Variants in ASTN2 observed in about 807,000 individuals in gnomAD.
ASTN2 encodes the protein astrotactin-2.
In ASTN2, 54 loss-of-function variants were observed where a neutral mutation model predicts 139.8. The observed-to-expected ratio is 0.39, with a 90% CI of 0.31 to 0.48. ASTN2 has a LOEUF of 0.48. Ranked by LOEUF, ASTN2 falls within the 20% of genes least tolerant of loss-of-function variation. The pLI is 0.95. For synonymous variants in ASTN2, 756 were observed against 719.5 expected (o/e 1.05, Z -0.81); for missense variants, 1,565 against 1,725.1 (o/e 0.91, Z 1.64).
chr9:116,663,509 G>C (rs556988948), intron 16 of ASTN2, among the ~76,000 whole-genome samples: 2 of 152,226 alleles, frequency 1.3e-5, no homozygotes, highest in South Asian at 4.2e-4. Flanking sequence ...CATGTTAAAA[G>C]ACAACCTTTA....
In ASTN2 at chr9:116,956,761, G is replaced by A. The variant is rs377650802; in HGVS notation, c.1889+18447C>T. 7.2e-5 allele frequency among the ~76,000 whole-genome samples: 11 copies of A among 151,948 alleles called. No individual in the cohort carries two copies. In the East Asian group the frequency reaches 1.2e-3, roughly 16 times the overall value. On this transcript the variant is annotated intron_variant, in intron 10 of 22. Coordinates refer to ENST00000313400, the MANE Select transcript of ASTN2 (RefSeq NM_001365068.1). Reference sequence around the variant, plus strand: ...AGTATGGGGTCAACGTATAAAAGTCGATTGTATTTCTCTACACTAGCAATG... The same window carrying A: ...AGTATGGGGTCAACGTATAAAAGTCAATTGTATTTCTCTACACTAGCAATG...
In ASTN2 at chr9:116,699,343, G is replaced by A. The variant is rs2132075369; in HGVS notation, c.2806+26428C>T. ...ACCGTCTACTTCACCCAGGGCTTAG[G>A]CCTCAATCTGGAGAATCGGCAGAAT... On this transcript the variant is annotated intron_variant, in intron 16 of 22. Transcript: ENST00000313400. This position sits in a 1 kb window ranked among gnomAD's most constrained non-coding sequence, Gnocchi z 4.2. The A allele has an allele frequency of 6.2e-7, 1 of 1,614,212 alleles. No homozygotes were observed.
intron 20 of ASTN2, among the ~76,000 whole-genome samples, chr9:116,484,194 G>C (rs1849262913): frequency 6.6e-6 from 1 of 152,192 alleles, no homozygotes; most frequent in Admixed American, 6.5e-5. Context: ...GGGAGAAGAA[G>C]AAAGTGGCTA....
chr9:116,990,775 A>G (rs965596110), intron 7 of ASTN2, among the ~76,000 whole-genome samples: 4 of 152,216 alleles, frequency 2.6e-5, no homozygotes, highest in African/African-American at 7.2e-5. Context: ...TTCCTGGGAT[A>G]TAATGGAGAA....
At chr9:116,608,683 C>T (rs992385138) in intron 19 of ASTN2, among the ~76,000 whole-genome samples, 3 of 152,114 alleles carry the variant, frequency 2.0e-5, no homozygotes, top group African/African-American at 7.2e-5. Context: ...TACAAAATAT[C>T]CAGCTTCAAA....
intron 10 of ASTN2, among the ~76,000 whole-genome samples, chr9:116,934,002 T>TTTTTTTTTTTTTTTTTTTTTTTTTTG: frequency 8.2e-6 from 1 of 121,310 alleles, no homozygotes; most frequent in Admixed American, 8.7e-5. Flanking sequence ...TTTTTTTTTT[T>TTTTTTTTTTTTTTTTTTTTTTTTTTG]CTGGATCAAG....
At chr9:117,257,000 G>T (rs1833705301) in intron 2 of ASTN2, among the ~76,000 whole-genome samples, 1 of 152,076 alleles carries the variant, frequency 6.6e-6, no homozygotes, top group South Asian at 2.1e-4. Flanking sequence ...AGAAGACTTG[G>T]AATATTTGAA....
intron 11 of ASTN2, among the ~76,000 whole-genome samples, chr9:116,834,303 G>T (rs916470734): frequency 6.6e-6 from 1 of 152,108 alleles, no homozygotes; most frequent in African/African-American, 2.4e-5. Flanking sequence ...ATGTTAACTA[G>T]ATCTTTTTTG....
At chr9:116,648,981 C>A (rs899432135) in intron 17 of ASTN2, among the ~76,000 whole-genome samples, 1 of 151,870 alleles carries the variant, frequency 6.6e-6, no homozygotes, top group African/African-American at 2.4e-5. Context: ...TTGCAGTGAG[C>A]CAAGATTGCG....
At chr9:117,353,980 C>T (rs1045332015) in intron 1 of ASTN2, among the ~76,000 whole-genome samples, 2 of 152,122 alleles carry the variant, frequency 1.3e-5, no homozygotes, top group Non-Finnish European at 2.9e-5. Context: ...GGTGAATACA[C>T]ATTTTTATAC....
chr9:116,862,841 C>CACACACACAT (rs1832921534), intron 11 of ASTN2, among the ~76,000 whole-genome samples: 1 of 24,372 alleles, frequency 4.1e-5, no homozygotes, highest in African/African-American at 7.9e-5. Flanking sequence ...CACACACACA[C>CACACACACAT]ATACACGTTA....
chr9:117,064,085 G>A (rs76205381), intron 5 of ASTN2, among the ~76,000 whole-genome samples: 1,730 of 152,032 alleles, frequency 0.011, 18 homozygotes, highest in Non-Finnish European at 0.016. Flanking sequence ...TGTTCTGGCC[G>A]AGACTTGTTA....
At chr9:117,125,216 CT>C (rs1829657484) in intron 4 of ASTN2, among the ~76,000 whole-genome samples, 1 of 152,168 alleles carries the variant, frequency 6.6e-6, no homozygotes, top group Non-Finnish European at 1.5e-5. Flanking sequence ...ATCATTTCTT[CT>C]TAACATCTCC....
At chr9:117,322,566 T>G (rs1343956044) in intron 1 of ASTN2, among the ~76,000 whole-genome samples, 1 of 152,184 alleles carries the variant, frequency 6.6e-6, no homozygotes, top group Non-Finnish European at 1.5e-5. Context: ...ATGGCTGACA[T>G]TCTGCCTTTC....
At chr9:116,993,401 T>C (rs1238504912) in intron 7 of ASTN2, among the ~76,000 whole-genome samples, 1 of 151,954 alleles carries the variant, frequency 6.6e-6, no homozygotes, top group Non-Finnish European at 1.5e-5. Flanking sequence ...TCTTGAACAG[T>C]CTGCTCAAAT....
intron 12 of ASTN2, among the ~76,000 whole-genome samples, chr9:116,812,481 A>G (rs1466954387): frequency 6.6e-6 from 1 of 152,218 alleles, no homozygotes; most frequent in African/African-American, 2.4e-5. Flanking sequence ...CAGTTGGAAA[A>G]GGCAAGGAAA....
chr9:116,488,723 A>G (rs541005720), intron 19 of ASTN2, among the ~76,000 whole-genome samples: 48 of 152,360 alleles, frequency 3.2e-4, no homozygotes, highest in African/African-American at 1.0e-3. Context: ...ATTTAAAAAC[A>G]GAAGGAAGAA....
chr9:117,135,312 G>A (rs1220535333), intron 4 of ASTN2, among the ~76,000 whole-genome samples: 2 of 152,148 alleles, frequency 1.3e-5, no homozygotes, highest in African/African-American at 2.4e-5. Context: ...GATAATTATA[G>A]TACTTACCTT....
At chr9:116,838,709 G>C in intron 11 of ASTN2, among the ~76,000 whole-genome samples, 1 of 151,938 alleles carries the variant, frequency 6.6e-6, no homozygotes, top group Non-Finnish European at 1.5e-5. Context: ...ATGATTACAG[G>C]CGTGAGCCAC....
Sources: gnomAD v4.1 joint callset for allele counts (sites outside exome capture counted in the v4.1 genomes callset) on GRCh38, gnomAD v4.1.1 for gene constraint, Gnocchi (gnomAD v3.1) non-coding constraint, MANE v1.5 for transcripts, NCBI Gene and HGNC (gene_info 2026-07-23, HGNC 2026-07-21) for gene names.